Variants in TOGARAM2 observed in about 807,000 individuals in gnomAD.
TOGARAM2 encodes the protein TOG array regulator of axonemal microtubules 2.
In TOGARAM2, 85 loss-of-function variants were observed where a neutral mutation model predicts 93.3. The observed-to-expected ratio is 0.91, with a 90% CI of 0.76 to 1.09. TOGARAM2 has a LOEUF of 1.09. TOGARAM2 is among the 50% of genes least tolerant of loss of function. TOGARAM2 has a pLI of 0.00. For missense variants in TOGARAM2, 1,277 were observed against 1,334.5 expected, an observed-to-expected ratio of 0.96 and a Z score of 0.67; for synonymous variants, 593 against 552.8, an observed-to-expected ratio of 1.07 and a Z score of -1.02.
At chr2:28,982,108 A>T (rs1672224975) in intron 1 of TOGARAM2, among the ~76,000 whole-genome samples, 1 of 152,278 alleles carries the variant, frequency 6.6e-6, no homozygotes. Flanking sequence ...GAAGGGTTTA[A>T]AAAAAGCCCC....
chr2:28,969,615 A>T (rs1379680318), intron 1 of TOGARAM2, among the ~76,000 whole-genome samples: 2 of 152,214 alleles, frequency 1.3e-5, no homozygotes, highest in Non-Finnish European at 2.9e-5. Flanking sequence ...GTTGGAATCT[A>T]GACTCCAGCT....
upstream of TOGARAM2, among the ~76,000 whole-genome samples, chr2:28,979,678 A>G (rs994406572): frequency 5.9e-5 from 9 of 152,194 alleles, no homozygotes; most frequent in Admixed American, 4.6e-4. Flanking sequence ...TCGGCCATCC[A>G]GTGGAGGCAG....
chr2:28,957,455 A>T (rs545501440), intron 1 of TOGARAM2, among the ~76,000 whole-genome samples: 7 of 152,342 alleles, frequency 4.6e-5, no homozygotes, highest in African/African-American at 1.7e-4. Flanking sequence ...TGCTGGAATT[A>T]CAGGCATAAG....
chr2:29,049,827 G>C (rs971188169), intron 19 of TOGARAM2: 1 of 152,178 alleles, frequency 6.6e-6, no homozygotes, highest in African/African-American at 2.4e-5. Flanking sequence ...TGAGGATCCT[G>C]TGACCCTCGG....
At position 28,999,400 on chromosome 2, in the gene TOGARAM2, A is replaced by T; in HGVS notation, c.359A>T (p.Asp120Val). ...PESEANSVAR[D>V]TIQIKDKLKK... ...TCAGAGGCCAACAGCGTGGCCAGGGACACCATCCAGATTAAGGACAAGCTC... is the reference window on the plus strand; with the variant it reads ...TCAGAGGCCAACAGCGTGGCCAGGGTCACCATCCAGATTAAGGACAAGCTC... Residue 120 changes from aspartate to valine, a missense_variant, in exon 4 of 20, where the codon GAC becomes GTC. Asp to Val is a radical substitution (Grantham distance 152). Transcript: ENST00000379558. 6.2e-7 allele frequency: 1 copy of T among 1,613,332 alleles called. No homozygotes were observed. Among genetic ancestry groups the T allele is most frequent in the Non-Finnish European group, 8.5e-7 (1 of 1,179,658 alleles).
intron 18 of TOGARAM2, among the ~76,000 whole-genome samples, chr2:29,044,847 C>T (rs1992809): frequency 0.55 from 84,039 of 151,822 alleles, 23,728 homozygotes; most frequent in East Asian, 0.8. Flanking sequence ...CCTAACCCTT[C>T]ACTGACCTTT....
chr2:29,011,911 C>G (rs1664274090), intron 7 of TOGARAM2, among the ~76,000 whole-genome samples: 1 of 152,252 alleles, frequency 6.6e-6, no homozygotes, highest in African/African-American at 2.4e-5. Context: ...GGGGTCTTGA[C>G]ACATCAAGCA....
chr2:29,005,796 GTA>G (rs905560347), intron 6 of TOGARAM2, among the ~76,000 whole-genome samples: 6 of 150,328 alleles, frequency 4.0e-5, no homozygotes, highest in African/African-American at 1.2e-4. Flanking sequence ...GTGTGCATGT[GTA>G]TGAGTGCATG....
intron 1 of TOGARAM2, among the ~76,000 whole-genome samples, chr2:28,987,888 A>T (rs1368862274): frequency 6.6e-6 from 1 of 152,170 alleles, no homozygotes; most frequent in Non-Finnish European, 1.5e-5. Context: ...TCACAGCTGG[A>T]GTCAGGGGCC....
intron 1 of TOGARAM2, among the ~76,000 whole-genome samples, chr2:28,973,038 C>T (rs561403503): frequency 7.2e-5 from 11 of 152,288 alleles, no homozygotes; most frequent in South Asian, 4.2e-4. Context: ...TGTTTGCCTC[C>T]GAGTCCTCTT....
chr2:28,975,041 G>T (rs937622942), intron 1 of TOGARAM2, among the ~76,000 whole-genome samples: 2 of 151,306 alleles, frequency 1.3e-5, no homozygotes, highest in Admixed American at 6.6e-5. Context: ...TCATATTAAT[G>T]CTGTTATTTA....
At chr2:29,032,074 T>C (rs1413285684) in intron 14 of TOGARAM2, among the ~76,000 whole-genome samples, 2 of 152,216 alleles carry the variant, frequency 1.3e-5, no homozygotes, top group African/African-American at 4.8e-5. Context: ...ATAAGTCTCC[T>C]GGCCCCTAGC....
intron 1 of TOGARAM2, among the ~76,000 whole-genome samples, chr2:28,989,335 G>C (rs1005884053): frequency 6.6e-6 from 1 of 151,596 alleles, no homozygotes; most frequent in Non-Finnish European, 1.5e-5. Context: ...ACAGGTGTAA[G>C]CCGCCATACC....
intron 1 of TOGARAM2, among the ~76,000 whole-genome samples, chr2:28,983,421 G>T (rs1672323821): frequency 6.6e-6 from 1 of 151,702 alleles, no homozygotes; most frequent in Non-Finnish European, 1.5e-5. Context: ...TACCCTGTGT[G>T]GTCTCTTGGG....
At chr2:29,023,042 TC>T in intron 11 of TOGARAM2, 43 bp from the exon 12 acceptor site, 1 of 1,519,974 alleles carries the variant, frequency 6.6e-7, no homozygotes, top group Admixed American at 2.0e-5. Context: ...GTGGGGCTCC[TC>T]CCTCTCCACC....
intron 1 of TOGARAM2, among the ~76,000 whole-genome samples, chr2:28,963,289 G>T (rs1438494002): frequency 6.6e-6 from 1 of 152,186 alleles, no homozygotes; most frequent in Non-Finnish European, 1.5e-5. Flanking sequence ...TGTTCTAAGA[G>T]AACATATTTT....
chr2:28,957,122 A>C (rs1436154993), intron 1 of TOGARAM2, among the ~76,000 whole-genome samples: 1 of 152,144 alleles, frequency 6.6e-6, no homozygotes, highest in Non-Finnish European at 1.5e-5. Flanking sequence ...AAAAAACAAA[A>C]AACGAAAAAC....
chr2:29,027,737 G>A (rs1665497936), intron 14 of TOGARAM2, among the ~76,000 whole-genome samples: 1 of 152,166 alleles, frequency 6.6e-6, no homozygotes, highest in Non-Finnish European at 1.5e-5. Context: ...TTTAGACTGA[G>A]GGTTCAGAGA....
intron 18 of TOGARAM2, among the ~76,000 whole-genome samples, chr2:29,044,248 C>T (rs1230382403): frequency 6.6e-6 from 1 of 152,190 alleles, no homozygotes; most frequent in African/African-American, 2.4e-5. Context: ...TTTCCCAAAC[C>T]TCCCGAAAGG....
Sources: gnomAD v4.1 joint callset for allele counts (sites outside exome capture counted in the v4.1 genomes callset) on GRCh38, gnomAD v4.1.1 for gene constraint, MANE v1.5 for transcripts, NCBI Gene and HGNC (gene_info 2026-07-23, HGNC 2026-07-21) for gene names.